Variants in ARL15 observed in about 807,000 individuals in gnomAD.
ARL15 encodes the protein ADP-ribosylation factor-like protein 15.
A neutral mutation model predicts 25.2 loss-of-function variants in ARL15; 19 were observed. That is an observed-to-expected ratio of 0.75 (90% CI 0.53 to 1.10). The LOEUF (loss-of-function observed/expected upper bound fraction) is 1.10. ARL15 is among the 50% of genes least tolerant of loss of function. The pLI is 0.00. For synonymous variants in ARL15, 94 were observed against 86.8 expected, an observed-to-expected ratio of 1.08 and a Z score of -0.46; for missense variants, 220 against 246.0, an observed-to-expected ratio of 0.89 and a Z score of 0.71.
chr5:53,977,747 C>T (rs2111568785), intron 4 of ARL15, among the ~76,000 whole-genome samples: 2 of 152,252 alleles, frequency 1.3e-5, no homozygotes, highest in Non-Finnish European at 2.9e-5. Flanking sequence ...TCTCTGGAAA[C>T]AAGGTCTGAG....
intron 4 of ARL15, chr5:53,951,614 T>G: frequency 2.2e-6 from 1 of 463,938 alleles, no homozygotes. Flanking sequence ...TGGAAAACCT[T>G]ACTTACTCCT....
At chr5:53,942,565 GT>G (rs1384547795) in intron 4 of ARL15, among the ~76,000 whole-genome samples, 1 of 152,116 alleles carries the variant, frequency 6.6e-6, no homozygotes, top group African/African-American at 2.4e-5. Context: ...GGCCAACATG[GT>G]GAAACCCCGT....
At chr5:54,195,913 A>G (rs1755535768) in intron 1 of ARL15, among the ~76,000 whole-genome samples, 1 of 152,144 alleles carries the variant, frequency 6.6e-6, no homozygotes, top group Admixed American at 6.6e-5. Flanking sequence ...AAGCCCAGAA[A>G]TCTGGCTGCA....
intron 4 of ARL15, among the ~76,000 whole-genome samples, chr5:54,074,452 TA>T (rs1398529705): frequency 6.6e-6 from 1 of 152,162 alleles, no homozygotes; most frequent in Non-Finnish European, 1.5e-5. Context: ...AGTAAGCTAA[TA>T]AACAACTGAG....
chr5:53,910,350 G>C (rs1745408843), intron 4 of ARL15, among the ~76,000 whole-genome samples: 1 of 151,984 alleles, frequency 6.6e-6, no homozygotes, highest in Non-Finnish European at 1.5e-5. Flanking sequence ...CCTGCTGAAG[G>C]CTACCAAATC....
chr5:54,012,028 G>A (rs970318278), intron 4 of ARL15, among the ~76,000 whole-genome samples: 1 of 151,950 alleles, frequency 6.6e-6, no homozygotes, highest in Non-Finnish European at 1.5e-5. Flanking sequence ...GAGCATAAAT[G>A]TTTAATAGAC....
At chr5:54,296,894 C>T (rs917989229) in intron 1 of ARL15, among the ~76,000 whole-genome samples, 1 of 152,206 alleles carries the variant, frequency 6.6e-6, no homozygotes, top group Non-Finnish European at 1.5e-5. Flanking sequence ...GCACCACCAC[C>T]ACTGTGGCAG....
At chr5:53,978,738 C>G (rs1453507575) in intron 4 of ARL15, among the ~76,000 whole-genome samples, 1 of 151,366 alleles carries the variant, frequency 6.6e-6, no homozygotes, top group East Asian at 1.9e-4. Context: ...TATATACACA[C>G]ACATATATAT....
intron 3 of ARL15, among the ~76,000 whole-genome samples, chr5:54,138,835 T>C (rs1017217363): frequency 1.3e-5 from 2 of 151,414 alleles, no homozygotes; most frequent in African/African-American, 2.4e-5. Context: ...AAAAAAACAA[T>C]CCTATCAAAA....
intron 4 of ARL15, among the ~76,000 whole-genome samples, chr5:53,968,747 G>A (rs1273164885): frequency 6.6e-6 from 1 of 151,690 alleles, no homozygotes; most frequent in East Asian, 2.0e-4. Flanking sequence ...TTGACCTTGT[G>A]ATCCACCCGC....
intron 3 of ARL15, among the ~76,000 whole-genome samples, chr5:54,146,028 C>A (rs540768593): frequency 1.3e-5 from 2 of 152,074 alleles, no homozygotes; most frequent in African/African-American, 4.8e-5. Context: ...CTAACTGCAT[C>A]TTATACTCAG....
At chr5:54,248,273 A>G (rs1206037726) in intron 1 of ARL15, among the ~76,000 whole-genome samples, 1 of 152,154 alleles carries the variant, frequency 6.6e-6, no homozygotes, top group Non-Finnish European at 1.5e-5. Context: ...CAACAAAACT[A>G]TCTCTTACCA....
At chr5:54,140,417 C>CAGAT (rs57386310) in intron 3 of ARL15, among the ~76,000 whole-genome samples, 12,694 of 145,232 alleles carry the variant, frequency 0.087, 597 homozygotes, top group African/African-American at 0.11. Flanking sequence ...TGTGGATAGA[C>CAGAT]AGATAGATAG....
chr5:54,010,539 C>A (rs567470265), intron 4 of ARL15, among the ~76,000 whole-genome samples: 86 of 152,182 alleles, frequency 5.7e-4, no homozygotes, highest in African/African-American at 1.9e-3. Context: ...AAAATATTCA[C>A]CAGACTTGGC....
chr5:53,964,452 C>T (rs573765380), intron 4 of ARL15, among the ~76,000 whole-genome samples: 36 of 152,148 alleles, frequency 2.4e-4, no homozygotes, highest in East Asian at 3.9e-4. Flanking sequence ...CTCCGCCTCC[C>T]GGGTTCACGC....
At chr5:54,126,037 T>A (rs921710283) in intron 3 of ARL15, among the ~76,000 whole-genome samples, 6 of 152,038 alleles carry the variant, frequency 3.9e-5, no homozygotes, top group East Asian at 1.9e-4. Flanking sequence ...AGATTTTTTT[T>A]AAAAAAGAAA....
At chr5:54,138,821 C>G (rs757919938) in intron 3 of ARL15, among the ~76,000 whole-genome samples, 3 of 151,644 alleles carry the variant, frequency 2.0e-5, no homozygotes, top group Admixed American at 6.6e-5. Flanking sequence ...AACAAATCAG[C>G]AAGAAAAAAA....
At chr5:54,255,014 G>A (rs1039855739) in intron 1 of ARL15, among the ~76,000 whole-genome samples, 3 of 152,148 alleles carry the variant, frequency 2.0e-5, no homozygotes, top group Non-Finnish European at 2.9e-5. Context: ...CGCCTGTTTA[G>A]AGACAAGGTC....
chr5:54,281,170 G>C (rs532051170), intron 1 of ARL15, among the ~76,000 whole-genome samples: 1 of 152,014 alleles, frequency 6.6e-6, no homozygotes, highest in African/African-American at 2.4e-5. Flanking sequence ...ACCGAGTTTC[G>C]CTCTTGTCAC....
Sources: gnomAD v4.1 joint callset for allele counts (sites outside exome capture counted in the v4.1 genomes callset) on GRCh38, gnomAD v4.1.1 for gene constraint, MANE v1.5 for transcripts, NCBI Gene and HGNC (gene_info 2026-07-23, HGNC 2026-07-21) for gene names.